Variants in TBC1D2B observed in about 807,000 individuals in gnomAD.
TBC1D2B encodes TBC1 domain family member 2B.
In TBC1D2B, 64 loss-of-function variants were observed where a neutral mutation model predicts 100.8. That is an observed-to-expected ratio of 0.64 (90% CI 0.52 to 0.78). The LOEUF is 0.78. Among genes scored for constraint, TBC1D2B ranks in the 30% least tolerant of loss-of-function variants. TBC1D2B has a pLI of 0.00. For synonymous variants in TBC1D2B, 480 were observed against 479.7 expected, an observed-to-expected ratio of 1.00 and a Z score of -0.01; for missense variants, 1,052 against 1,218.4, an observed-to-expected ratio of 0.86 and a Z score of 2.03.
At chr15:78,051,038 G>A (rs2073302640) in intron 2 of TBC1D2B, among the ~76,000 whole-genome samples, 1 of 152,190 alleles carries the variant, frequency 6.6e-6, no homozygotes, top group African/African-American at 2.4e-5. Context: ...GCCACCCCCA[G>A]GGGCAGCTAG....
intron 3 of TBC1D2B, among the ~76,000 whole-genome samples, chr15:78,044,452 C>T (rs908864179): frequency 6.6e-6 from 1 of 152,088 alleles, no homozygotes; most frequent in East Asian, 1.9e-4. Context: ...CGAACAAAAA[C>T]CAACCCACCT....
At position 78,038,002 on chromosome 15, in the gene TBC1D2B, G is replaced by C. The variant is rs571259700; in HGVS notation, c.683+6898C>G. Among the ~76,000 whole-genome samples the C allele has an allele frequency of 4.6e-5, 7 of 152,304 alleles. 1 individual carries two copies. The South Asian group carries it at 1.4e-3, about 32-fold the overall frequency. ...GAGGAACTGTCGTCCTGCTAGGGAA[G>C]GGAGTGTGGCACAAGGGCAGGTGGG... On this transcript the variant is annotated intron_variant, in intron 3 of 12. Coordinates refer to ENST00000300584, the MANE Select transcript of TBC1D2B (RefSeq NM_144572.2).
chr15:78,075,692 G>A (rs2073817570), intron 1 of TBC1D2B, among the ~76,000 whole-genome samples: 2 of 152,220 alleles, frequency 1.3e-5, no homozygotes, highest in South Asian at 4.1e-4. Context: ...CTCTAAGTAA[G>A]CCTGTGTAGG....
At chr15:78,006,241 A>G (rs1226322833) in intron 10 of TBC1D2B, among the ~76,000 whole-genome samples, 1 of 152,204 alleles carries the variant, frequency 6.6e-6, no homozygotes, top group Non-Finnish European at 1.5e-5. Flanking sequence ...ACATTGAGTC[A>G]TTTGATATTT....
chr15:78,061,205 T>C (rs896283999), intron 1 of TBC1D2B, among the ~76,000 whole-genome samples: 9 of 149,428 alleles, frequency 6.0e-5, no homozygotes, highest in Non-Finnish European at 1.3e-4. Context: ...GATTGTGCCA[T>C]TGCACTCCAA....
At chr15:78,048,578 C>T (rs1407012496) in intron 2 of TBC1D2B, among the ~76,000 whole-genome samples, 3 of 152,198 alleles carry the variant, frequency 2.0e-5, no homozygotes, top group Non-Finnish European at 4.4e-5. Flanking sequence ...TTTCAAATGC[C>T]TAAATGAAAA....
chr15:78,036,943 C>T (rs1426845281), intron 3 of TBC1D2B, among the ~76,000 whole-genome samples: 3 of 152,158 alleles, frequency 2.0e-5, no homozygotes, highest in African/African-American at 7.2e-5. Flanking sequence ...TCTTGAGGAC[C>T]TGGAAAGGTG....
At position 78,072,166 on chromosome 15, in the gene TBC1D2B, C is replaced by T. The variant is rs949192290; in HGVS notation, c.360+5127G>A. 2.0e-5 allele frequency among the ~76,000 whole-genome samples: 3 copies of T among 152,174 alleles called. No homozygotes were observed. The East Asian group carries it at 5.8e-4, about 29-fold the overall frequency. ...ACAAACACTAGTTTATAGCATGTCT[C>T]CTTTGTGCCAGATACTGTTGCAGGA... On this transcript the variant is annotated intron_variant, in intron 1 of 12. Coordinates refer to ENST00000300584, the MANE Select transcript of TBC1D2B (RefSeq NM_144572.2).
rs147321168 is a variant in TBC1D2B at position 78,070,808 on chromosome 15, C to T, written c.360+6485G>A. Among the ~76,000 whole-genome samples, 466 of 152,260 alleles carry T rather than the reference C, an allele frequency of 3.1e-3. 4 individuals carry two copies. Among genetic ancestry groups the T allele is most frequent in the African/African-American group, 0.011 (446 of 41,556 alleles). On this transcript the variant is annotated intron_variant, in intron 1 of 12. Transcript: ENST00000300584. The stretch of plus-strand genomic sequence containing the variant: ...AAGTAGCTGGGACTAAAGACATGTG[C>T]CATCATGCCTGGCTAGTTTGTTTTT...
At chr15:78,055,952 A>G (rs541254238) in intron 1 of TBC1D2B, among the ~76,000 whole-genome samples, 9 of 152,306 alleles carry the variant, frequency 5.9e-5, no homozygotes, top group Admixed American at 5.9e-4. Context: ...ACATAGCCAA[A>G]GAGGGGAGGT....
chr15:78,074,483 A>G (rs2073796816), intron 1 of TBC1D2B, among the ~76,000 whole-genome samples: 1 of 152,200 alleles, frequency 6.6e-6, no homozygotes, highest in Non-Finnish European at 1.5e-5. Flanking sequence ...CCTTTCTTTA[A>G]AAAAAGAAAT....
At chr15:78,072,772 C>T (rs2073760674) in intron 1 of TBC1D2B, among the ~76,000 whole-genome samples, 1 of 152,186 alleles carries the variant, frequency 6.6e-6, no homozygotes, top group Admixed American at 6.5e-5. Flanking sequence ...CAGTCACATG[C>T]TCTCCTTCCC....
intron 3 of TBC1D2B, among the ~76,000 whole-genome samples, chr15:78,033,439 A>T (rs1474812761): frequency 6.6e-6 from 1 of 152,218 alleles, no homozygotes; most frequent in Non-Finnish European, 1.5e-5. Context: ...TTATATAAAA[A>T]TTTTTAAAAC....
chr15:78,000,607 TA>T (rs1038916919), intron 12 of TBC1D2B, among the ~76,000 whole-genome samples: 18 of 152,266 alleles, frequency 1.2e-4, no homozygotes, highest in Admixed American at 3.9e-4. Context: ...CACTCCCCAA[TA>T]AAAGACTCTA....
intron 4 of TBC1D2B, among the ~76,000 whole-genome samples, chr15:78,029,327 G>C (rs1352726545): frequency 2.6e-5 from 4 of 152,036 alleles, no homozygotes; most frequent in Admixed American, 2.6e-4. Flanking sequence ...CAAAGTGCTG[G>C]GATTACAGGC....
intron 2 of TBC1D2B, among the ~76,000 whole-genome samples, chr15:78,048,644 C>T (rs929921966): frequency 2.6e-5 from 4 of 152,248 alleles, no homozygotes; most frequent in African/African-American, 9.6e-5. Context: ...GATTCCAGCA[C>T]TGCCTCTAAA....
Position 78,077,504 on chromosome 15 carries a change from AG to A in TBC1D2B, c.148del (p.Leu50CysfsTer78). On this transcript the variant is annotated frameshift_variant, in exon 1 of 13. Coordinates refer to ENST00000300584, the MANE Select transcript of TBC1D2B (RefSeq NM_144572.2). LOFTEE classifies it high-confidence loss of function. Reference sequence around the variant, plus strand: ...GAACCAGCGGCTGCGGTAGCCACGCAGGGGGCCCTTGCCCGACAGCTTCTGC... The same window carrying A: ...GAACCAGCGGCTGCGGTAGCCACGCAGGGGCCCTTGCCCGACAGCTTCTGC... ...YLQKLSGKGP[L>X]RGYRSRWFVF... 1.3e-6 allele frequency: 2 copies of A among 1,531,680 alleles called. No homozygotes were observed. Among genetic ancestry groups the A allele is most frequent in the Non-Finnish European group, 8.8e-7 (1 of 1,139,432 alleles). The allele number at this position is 1,531,680 out of a possible 1,614,324, so 94.9% of individuals were successfully genotyped here. A position where few individuals can be genotyped will look rare whatever the true frequency, so the allele number is the denominator to read the frequency against.
At chr15:78,037,395 C>T (rs770002867) in intron 3 of TBC1D2B, among the ~76,000 whole-genome samples, 1 of 152,212 alleles carries the variant, frequency 6.6e-6, no homozygotes, top group Non-Finnish European at 1.5e-5. Flanking sequence ...CCATCACCGG[C>T]CTCTCCCACA....
chr15:78,024,043 A>G, intron 6 of TBC1D2B, 113 bp downstream of exon 6: 1 of 1,146,986 alleles, frequency 8.7e-7, no homozygotes, highest in Non-Finnish European at 1.2e-6. Context: ...GGGAAAAAAA[A>G]TAAGTGTGCA....
Sources: gnomAD v4.1 joint callset for allele counts (sites outside exome capture counted in the v4.1 genomes callset) on GRCh38, gnomAD v4.1.1 for gene constraint, MANE v1.5 for transcripts, NCBI Gene and HGNC (gene_info 2026-07-23, HGNC 2026-07-21) for gene names.